KLHL8: variants seen among roughly 807,000 people sequenced by gnomAD.
KLHL8 encodes kelch-like protein 8.
A neutral mutation model predicts 63.5 loss-of-function variants in KLHL8; 38 were observed. The ratio of observed to expected loss-of-function variants is 0.60; its 90% CI spans 0.46 to 0.78. The LOEUF is 0.78. Ranked by LOEUF, KLHL8 falls within the 30% of genes least tolerant of loss-of-function variation. The pLI, the probability that KLHL8 is intolerant of heterozygous loss-of-function variation, is 0.00. For missense variants in KLHL8, 566 were observed against 752.4 expected, an observed-to-expected ratio of 0.75 and a Z score of 2.90; for synonymous variants, 224 against 254.3, an observed-to-expected ratio of 0.88 and a Z score of 1.13.
At chr4:87,189,898 G>A (rs1731413969) in intron 2 of KLHL8, among the ~76,000 whole-genome samples, 1 of 151,750 alleles carries the variant, frequency 6.6e-6, no homozygotes, top group Non-Finnish European at 1.5e-5. Context: ...GCCGGGCATG[G>A]TGGCACGCGC....
chr4:87,218,455 G>C (rs1321121008), intron 1 of KLHL8, among the ~76,000 whole-genome samples: 2 of 152,040 alleles, frequency 1.3e-5, no homozygotes, highest in Non-Finnish European at 2.9e-5. Flanking sequence ...CTGACCTCTT[G>C]ATCCGCCCGC....
intron 1 of KLHL8, among the ~76,000 whole-genome samples, chr4:87,214,765 G>A (rs920521856): frequency 6.6e-6 from 1 of 151,304 alleles, no homozygotes; most frequent in Admixed American, 6.6e-5. Context: ...TCCCTATACA[G>A]GAAATGTTTC....
chr4:87,226,373 G>C (rs1211757848), intron 1 of KLHL8, among the ~76,000 whole-genome samples: 1 of 151,544 alleles, frequency 6.6e-6, no homozygotes, highest in Non-Finnish European at 1.5e-5. Flanking sequence ...GACCAGCCTA[G>C]CCAACATGGT....
intron 2 of KLHL8, among the ~76,000 whole-genome samples, chr4:87,186,083 G>A (rs1731242926): frequency 6.6e-6 from 1 of 151,914 alleles, no homozygotes; most frequent in South Asian, 2.1e-4. Flanking sequence ...CTGTTGCCCA[G>A]GCTGGAGAGC....
intron 2 of KLHL8, among the ~76,000 whole-genome samples, chr4:87,187,031 C>T (rs1731288059): frequency 6.6e-6 from 1 of 151,502 alleles, no homozygotes; most frequent in South Asian, 2.1e-4. Context: ...CAGATAGCTT[C>T]CAACAGTATG....
rs747700490 is a variant in KLHL8, at chr4:87,163,571, CTAGT to C, written c.1807_1810del (p.Thr603AlafsTer6). 80 of 1,614,008 alleles carry C rather than the reference CTAGT, an allele frequency of 5.0e-5. No individual in the cohort carries two copies. The highest frequency in any genetic ancestry group is 1.7e-4 in the Admixed American group (10 of 59,998). On this transcript the variant is annotated frameshift_variant, in exon 10 of 10. Transcript: ENST00000273963. LOFTEE classifies it high-confidence loss of function. Reference sequence around the variant, plus strand: ...TCCATGACCTACATCTCGAATTTGGCTAGTTAAACAGGAACACACAGCTACTCCT... The same window carrying C: ...TCCATGACCTACATCTCGAATTTGGCTAAACAGGAACACACAGCTACTCCT...
chr4:87,160,888 C>T lies in KLHL8; in HGVS notation c.*2631G>A, dbSNP rs146884816. On this transcript the variant is annotated 3_prime_UTR_variant, in exon 10 of 10. Transcript: ENST00000273963. ...AGTGGTAAGTCTCACAATAAAGTAG[C>T]CATCTTCTTTGAATATTTCATCTCT... The T allele has an allele frequency of 1.6e-4, 25 of 152,270 alleles. No homozygotes were observed. The highest frequency in any genetic ancestry group is 5.1e-4 in the African/African-American group (21 of 41,552). The allele number at this position is 152,270 out of a possible 1,614,324, so 9.4% of individuals were successfully genotyped here.
intron 2 of KLHL8, among the ~76,000 whole-genome samples, chr4:87,192,960 C>G (rs865837973): frequency 2.8e-4 from 42 of 152,188 alleles, no homozygotes; most frequent in African/African-American, 1.0e-3. Flanking sequence ...GCTGCAGGGC[C>G]TGAAGTGGCT....
At chr4:87,203,971 C>A (rs1310202992) in intron 1 of KLHL8, among the ~76,000 whole-genome samples, 2 of 151,994 alleles carry the variant, frequency 1.3e-5, no homozygotes, top group African/African-American at 2.4e-5. Flanking sequence ...AAAATATGGA[C>A]CAAAGACTTA....
intron 2 of KLHL8, among the ~76,000 whole-genome samples, chr4:87,192,019 G>A (rs1243276804): frequency 6.6e-6 from 1 of 152,102 alleles, no homozygotes; most frequent in Non-Finnish European, 1.5e-5. Context: ...CCACTGATGG[G>A]CACCTGGGCT....
At chr4:87,185,188 G>A (rs1006658450) in intron 3 of KLHL8, 63 bp downstream of exon 3, 17 of 1,352,766 alleles carry the variant, frequency 1.3e-5, no homozygotes, top group Middle Eastern at 4.6e-4. Flanking sequence ...CCTAATAAAT[G>A]AAGCATGTTG....
intron 1 of KLHL8, among the ~76,000 whole-genome samples, chr4:87,226,477 G>T (rs1216790185): frequency 2.0e-5 from 3 of 148,528 alleles, no homozygotes; most frequent in Non-Finnish European, 3.0e-5. Context: ...CAGAAGAGTT[G>T]CGTGAATCCA....
intron 1 of KLHL8, among the ~76,000 whole-genome samples, chr4:87,228,345 A>T (rs1040263778): frequency 6.6e-6 from 1 of 152,156 alleles, no homozygotes; most frequent in African/African-American, 2.4e-5. Flanking sequence ...CGGTGGTCTG[A>T]GGACTCCCAA....
rs566972392 is a variant in KLHL8, at chr4:87,171,492, T to G, written c.1209-877A>C. 1.2e-3 allele frequency among the ~76,000 whole-genome samples: 185 copies of G among 152,328 alleles called. 4 individuals carry two copies. In the South Asian group the frequency reaches 0.037, roughly 30 times the overall value. The stretch of plus-strand genomic sequence containing the variant: ...TTAAGGATAATGTTATCATTCACTT[T>G]CAAGCTCCTCAACCTCTTTTCTCTT... On this transcript the variant is annotated intron_variant, in intron 6 of 9. Transcript: ENST00000273963.
chr4:87,214,501 A>G (rs1048062110), intron 1 of KLHL8, among the ~76,000 whole-genome samples: 1 of 144,920 alleles, frequency 6.9e-6, no homozygotes, highest in African/African-American at 2.5e-5. Flanking sequence ...ATTCATTTCA[A>G]TCCTTGGGAT....
At chr4:87,172,287 G>T (rs115738989) in intron 6 of KLHL8, among the ~76,000 whole-genome samples, 65 of 152,264 alleles carry the variant, frequency 4.3e-4, no homozygotes, top group Non-Finnish European at 7.6e-4. Flanking sequence ...ATAGCCACAA[G>T]GAACTGAATT....
At chr4:87,203,753 C>T (rs909423234) in intron 1 of KLHL8, among the ~76,000 whole-genome samples, 1 of 151,296 alleles carries the variant, frequency 6.6e-6, no homozygotes, top group Admixed American at 6.6e-5. Flanking sequence ...GACTCGGGGT[C>T]AGGCTACTAG....
chr4:87,211,225 CTG>C (rs961921943), intron 1 of KLHL8, among the ~76,000 whole-genome samples: 2 of 152,202 alleles, frequency 1.3e-5, no homozygotes, highest in African/African-American at 4.8e-5. Context: ...TAAAGTAACA[CTG>C]TGCATAAGAC....
rs1309396527 is a variant in KLHL8, at chr4:87,226,788, A to G, written n.58-5398T>C. 5.6e-3 allele frequency among the ~76,000 whole-genome samples: 87 copies of G among 15,452 alleles called. 25 individuals carry two copies. Among genetic ancestry groups the G allele is most frequent in the African/African-American group, 0.036 (86 of 2,390 alleles). The allele number at this position is 15,452 out of a possible 152,430, so 10.1% of individuals were successfully genotyped here. On this transcript the variant is annotated intron_variant and non_coding_transcript_variant, in intron 1 of 1. Transcript: ENST00000506274. ...ATATAATATATATTATATATATAAT[A>G]TATATTATATATAATATATATTATA...
Sources: allele counts gnomAD v4.1 joint callset (sites outside exome capture counted in the v4.1 genomes callset), GRCh38; gene constraint gnomAD v4.1.1; transcripts MANE v1.5; gene names NCBI Gene and HGNC (gene_info 2026-07-23, HGNC 2026-07-21).